Variants in PDE3A observed in about 807,000 individuals in gnomAD.
PDE3A encodes the protein phosphodiesterase 3A.
PDE3A carries 43 observed loss-of-function variants against 98.3 expected under a neutral mutation model. The ratio of observed to expected loss-of-function variants is 0.44; its 90% CI spans 0.34 to 0.56. PDE3A has a LOEUF of 0.56. Ranked by LOEUF, PDE3A falls within the 20% of genes least tolerant of loss-of-function variation. PDE3A has a pLI of 0.01. For missense variants in PDE3A, 1,427 were observed against 1,440.7 expected (o/e 0.99, Z 0.15); for synonymous variants, 663 against 567.9 (o/e 1.17, Z -2.38).
chr12:20,535,732 C>G (rs566576599), intron 1 of PDE3A, among the ~76,000 whole-genome samples: 36 of 152,144 alleles, frequency 2.4e-4, no homozygotes, highest in African/African-American at 8.4e-4. Context: ...CAGGCAGCAT[C>G]CAACAGCTCT....
chr12:20,654,059 G>T lies in PDE3A; in HGVS notation c.3038G>T (p.Cys1013Phe), dbSNP rs779360263. The change falls in exon 15 of 16, where the codon TGC becomes TTC. Residue 1013 changes from cysteine (C) to phenylalanine (F), a missense_variant. Cys to Phe is a radical substitution (Grantham distance 205). This residue lies in a region of PDE3A where 273 missense variants were observed against 420.3 expected (regional missense o/e 0.65). Transcript: ENST00000359062. ...SFISHIVGPL[C>F]NSYDSAGLMP... The stretch of plus-strand genomic sequence containing the variant: ...ATCTCTCACATTGTGGGGCCTCTGT[G>T]CAACTCCTATGATTCAGCAGGACTA... 13 of 1,614,002 alleles carry T rather than the reference G, an allele frequency of 8.1e-6. No individual in the cohort carries two copies. In the East Asian group the frequency reaches 2.7e-4, roughly 33 times the overall value.
Position 20,369,390 on chromosome 12 carries a change from G to T in PDE3A, c.106G>T (p.Ala36Ser). The change falls in exon 1 of 16, where the codon GCA becomes TCA. Residue 36 changes from alanine (A) to serine (S), a missense_variant. Physicochemically the swap from Ala to Ser is moderately conservative, Grantham distance 99. This residue lies in a region of PDE3A where 1,012 missense variants were observed against 886.5 expected (regional missense o/e 1.14). Transcript: ENST00000359062. The part of the protein sequence containing the change: ...GRDCHHRADP[A>S]SPRDSGCRGC... ...GGACTGCCACCATCGTGCGGACCCC[G>T]CATCGCCGCGGGACTCGGGCTGCCG... The T allele has an allele frequency of 6.4e-7, 1 of 1,550,894 alleles. No homozygotes were observed.
chr12:20,502,230 A>T (rs1018107979), intron 1 of PDE3A, among the ~76,000 whole-genome samples: 1 of 152,132 alleles, frequency 6.6e-6, no homozygotes, highest in Non-Finnish European at 1.5e-5. Flanking sequence ...AGGAAAGAGT[A>T]AGGTTCAGCT....
intron 5 of PDE3A, among the ~76,000 whole-genome samples, 157 bp downstream of exon 5, chr12:20,621,568 T>A (rs556506529): frequency 6.6e-6 from 1 of 152,242 alleles, no homozygotes; most frequent in East Asian, 1.9e-4. Context: ...GAAGTCTCAA[T>A]AACCAATTAG....
At position 20,615,331 on chromosome 12, in the gene PDE3A, A is replaced by G. The variant is rs114718602; in HGVS notation, c.1270-899A>G. 3.6e-3 allele frequency among the ~76,000 whole-genome samples: 543 copies of G among 152,242 alleles called. 2 individuals are homozygous for G. The highest frequency in any genetic ancestry group is 0.013 in the African/African-American group (525 of 41,546). ...GGATATGGTGGGAGAAGAAATAAGA[A>G]GGGGAACAGCAGGTTGGCCAGCAGC... On this transcript the variant is annotated intron_variant, in intron 3 of 15. Transcript: ENST00000359062.
intron 2 of PDE3A, among the ~76,000 whole-genome samples, chr12:20,592,105 A>G (rs1943352597): frequency 6.6e-6 from 1 of 152,164 alleles, no homozygotes; most frequent in Non-Finnish European, 1.5e-5. Flanking sequence ...CAGAAAGACA[A>G]TAATTCATAG....
chr12:20,462,570 T>C (rs756099984), intron 1 of PDE3A, among the ~76,000 whole-genome samples: 23 of 152,176 alleles, frequency 1.5e-4, no homozygotes, highest in African/African-American at 5.1e-4. Flanking sequence ...TTAATAATTG[T>C]ATTTTTCTCC....
chr12:20,475,719 A>G (rs532249569), intron 1 of PDE3A, among the ~76,000 whole-genome samples: 1 of 83,462 alleles, frequency 1.2e-5, no homozygotes, highest in South Asian at 6.5e-4. Flanking sequence ...GACACACCAT[A>G]CACACACACA....
At chr12:20,668,595 A>G (rs1434690324) in intron 15 of PDE3A, among the ~76,000 whole-genome samples, 1 of 152,112 alleles carries the variant, frequency 6.6e-6, no homozygotes. Flanking sequence ...GAACACTGAC[A>G]CCTCACATGG....
chr12:20,660,205 A>G (rs1405138200), intron 15 of PDE3A, among the ~76,000 whole-genome samples: 1 of 152,208 alleles, frequency 6.6e-6, no homozygotes, highest in Non-Finnish European at 1.5e-5. Context: ...CCATGTGAAG[A>G]AGGATGTTTG....
At chr12:20,550,460 T>C (rs1386185353) in intron 1 of PDE3A, among the ~76,000 whole-genome samples, 4 of 152,146 alleles carry the variant, frequency 2.6e-5, no homozygotes, top group Non-Finnish European at 5.9e-5. Flanking sequence ...CTAATGTTTC[T>C]AAATCATACT....
intron 1 of PDE3A, among the ~76,000 whole-genome samples, chr12:20,385,706 A>G (rs890535508): frequency 3.3e-5 from 5 of 150,288 alleles, no homozygotes; most frequent in Admixed American, 2.7e-4. Flanking sequence ...AACAAACACC[A>G]CATATTCTCA....
intron 1 of PDE3A, chr12:20,551,870 C>T (rs545432415): frequency 9.3e-6 from 15 of 1,613,726 alleles, no homozygotes; most frequent in East Asian, 6.7e-5. Context: ...ACCATCATCC[C>T]GTCCAACCAC....
At chr12:20,508,416 T>TC (rs1301863483) in intron 1 of PDE3A, among the ~76,000 whole-genome samples, 1 of 140,948 alleles carries the variant, frequency 7.1e-6, no homozygotes, top group Non-Finnish European at 1.5e-5. Flanking sequence ...ACCTGGTTTG[T>TC]TTTTTTTTTT....
intron 5 of PDE3A, among the ~76,000 whole-genome samples, chr12:20,623,598 T>C (rs551996120): frequency 7.9e-5 from 12 of 152,120 alleles, no homozygotes; most frequent in African/African-American, 2.4e-4. Flanking sequence ...GTCAAAACTT[T>C]ACCACCCGCC....
rs1221635353 is a variant in PDE3A at position 20,634,997 on chromosome 12, G to A, written c.1942G>A (p.Glu648Lys). 1.2e-6 allele frequency: 2 copies of A among 1,613,652 alleles called. No individual in the cohort carries two copies. The highest frequency in any genetic ancestry group is 3.3e-5 in the Admixed American group (2 of 60,012). The part of the protein sequence containing the change: ...QNEDETECLR[E>K]PLRKASACST... Reference sequence around the variant, plus strand: ...TGAAGATGAAACAGAGTGCCTGAGAGAGCCTCTGAGGAAAGCATCGGCTTG... The same window carrying A: ...TGAAGATGAAACAGAGTGCCTGAGAAAGCCTCTGAGGAAAGCATCGGCTTG... Residue 648 changes from glutamate (E) to lysine (K), a missense_variant, in exon 8 of 16, where the codon GAG (glutamate) becomes AAG (lysine). Around this residue, in one of 3 missense-constraint regions of PDE3A, gnomAD observed 1,012 missense variants for 886.5 expected, o/e 1.14. Coordinates refer to ENST00000359062, the MANE Select transcript of PDE3A (RefSeq NM_000921.5).
chr12:20,592,156 C>A (rs777035157), intron 2 of PDE3A, among the ~76,000 whole-genome samples: 1 of 152,052 alleles, frequency 6.6e-6, no homozygotes, highest in Non-Finnish European at 1.5e-5. Flanking sequence ...TAAATTGCAT[C>A]TGTTTAAAGA....
chr12:20,625,770 A>G (rs1473517527), intron 5 of PDE3A, among the ~76,000 whole-genome samples: 1 of 152,198 alleles, frequency 6.6e-6, no homozygotes, highest in Non-Finnish European at 1.5e-5. Context: ...CTCAGGAACA[A>G]GGAATTAAAG....
At chr12:20,592,097 G>A (rs1943352478) in intron 2 of PDE3A, among the ~76,000 whole-genome samples, 1 of 152,082 alleles carries the variant, frequency 6.6e-6, no homozygotes, top group South Asian at 2.1e-4. Flanking sequence ...CTTCCAAGCA[G>A]AAAGACAATA....
Sources: allele counts gnomAD v4.1 joint callset (sites outside exome capture counted in the v4.1 genomes callset), GRCh38; gene constraint gnomAD v4.1.1; regional missense constraint gnomAD v4.1.1; transcripts MANE v1.5; gene names NCBI Gene and HGNC (gene_info 2026-07-23, HGNC 2026-07-21).